Variants in SLC9D1 observed in about 807,000 individuals in gnomAD.
SLC9D1 encodes solute carrier family 9 member D1, also known as putative LAG1-interacting protein.
the SLC9D1 span, chr13:113,549,642 A>G: frequency 1.2e-5 from 16 of 1,343,536 alleles, no homozygotes; most frequent in Non-Finnish European, 1.7e-5. Context: ...TGGCAACAGA[A>G]CAGCCCTCTA....
At chr13:113,521,871 A>C in the SLC9D1 span, among the ~76,000 whole-genome samples, 8 of 152,294 alleles carry the variant, frequency 5.3e-5, no homozygotes, top group Middle Eastern at 3.4e-3. Flanking sequence ...CCAATATACT[A>C]TACTTTATGT....
the SLC9D1 span, among the ~76,000 whole-genome samples, chr13:113,509,495 G>A: frequency 2.6e-5 from 4 of 152,122 alleles, no homozygotes; most frequent in Admixed American, 2.0e-4. Context: ...TCCCGGAGCC[G>A]CATGTGCCCG....
At chr13:113,531,638 G>C in the SLC9D1 span, among the ~76,000 whole-genome samples, 1 of 143,988 alleles carries the variant, frequency 6.9e-6, no homozygotes, top group African/African-American at 2.6e-5. Flanking sequence ...CGCCCCGTAC[G>C]TGCAGATCAA....
chr13:113,538,276 G>T, the SLC9D1 span, among the ~76,000 whole-genome samples: 1 of 152,034 alleles, frequency 6.6e-6, no homozygotes, highest in Non-Finnish European at 1.5e-5. Context: ...TCTGCTTTGT[G>T]TGTGGTGTGT....
chr13:113,533,387 G>C, the SLC9D1 span, among the ~76,000 whole-genome samples: 12 of 152,214 alleles, frequency 7.9e-5, no homozygotes, highest in Non-Finnish European at 1.5e-4. Flanking sequence ...TGCAGAGGCT[G>C]ACGCCCTTGG....
At chr13:113,516,795 C>T in the SLC9D1 span, among the ~76,000 whole-genome samples, 1 of 152,172 alleles carries the variant, frequency 6.6e-6, no homozygotes, top group Non-Finnish European at 1.5e-5. Context: ...TCCACTCTGC[C>T]TTGCCTGTGC....
chr13:113,492,156 A>T, the SLC9D1 span, among the ~76,000 whole-genome samples: 1 of 152,012 alleles, frequency 6.6e-6, no homozygotes, highest in Non-Finnish European at 1.5e-5. Context: ...TTTCATTTTT[A>T]ATAGAGACAG....
At chr13:113,495,715 A>G in the SLC9D1 span, 4 of 1,613,292 alleles carry the variant, frequency 2.5e-6, no homozygotes, top group African/African-American at 5.3e-5. Flanking sequence ...GCTGCCATGC[A>G]GAGCCGGCAG....
the SLC9D1 span, among the ~76,000 whole-genome samples, chr13:113,526,010 G>A: frequency 1.3e-4 from 18 of 139,962 alleles, no homozygotes; most frequent in South Asian, 1.9e-3. Context: ...AGAAGAAGCC[G>A]TCGTCGTCGT....
At chr13:113,515,370 T>C in the SLC9D1 span, among the ~76,000 whole-genome samples, 1 of 152,200 alleles carries the variant, frequency 6.6e-6, no homozygotes, top group Admixed American at 6.5e-5. Context: ...GTCTGAACTT[T>C]ACATACATGC....
At chr13:113,496,979 A>G in the SLC9D1 span, among the ~76,000 whole-genome samples, 1 of 152,240 alleles carries the variant, frequency 6.6e-6, no homozygotes, top group Non-Finnish European at 1.5e-5. Context: ...ATAACATATC[A>G]ACAGTATTTT....
chr13:113,513,948 CG>C, the SLC9D1 span, among the ~76,000 whole-genome samples: 1 of 152,014 alleles, frequency 6.6e-6, no homozygotes, highest in African/African-American at 2.4e-5. Context: ...GAGATGGAGC[CG>C]GGGGGTCGGG....
chr13:113,520,389 C>G, the SLC9D1 span, among the ~76,000 whole-genome samples: 2 of 148,422 alleles, frequency 1.3e-5, no homozygotes, highest in Non-Finnish European at 3.0e-5. Flanking sequence ...GAGGCTAAGG[C>G]AGGAGAATCA....
At chr13:113,548,158 A>T in the SLC9D1 span, 1 of 841,572 alleles carries the variant, frequency 1.2e-6, no homozygotes, top group Non-Finnish European at 1.8e-6. Context: ...GGGTGTTTGG[A>T]GTGCTTCTGT....
At chr13:113,501,016 C>T in the SLC9D1 span, among the ~76,000 whole-genome samples, 16 of 152,288 alleles carry the variant, frequency 1.1e-4, no homozygotes, top group African/African-American at 3.1e-4. Context: ...TCCTGCTCCT[C>T]ACTGACCTTC....
the SLC9D1 span, among the ~76,000 whole-genome samples, chr13:113,517,982 G>A: frequency 2.0e-5 from 3 of 152,140 alleles, no homozygotes; most frequent in African/African-American, 7.2e-5. Context: ...TTAAAATTTA[G>A]CAAATTCCTT....
the SLC9D1 span, chr13:113,503,345 T>TTGTGTG: frequency 4.9e-3 from 2,313 of 476,114 alleles, 28 homozygotes; most frequent in African/African-American, 0.036. Context: ...CACTGTGTGA[T>TTGTGTG]TGTGTGTGTG....
At chr13:113,530,115 G>C in the SLC9D1 span, 1 of 152,246 alleles carries the variant, frequency 6.6e-6, no homozygotes, top group Non-Finnish European at 1.5e-5. Context: ...CGGACAAAAA[G>C]TCCACACGCT....
chr13:113,547,910 C>G, the SLC9D1 span, among the ~76,000 whole-genome samples: 7 of 100,474 alleles, frequency 7.0e-5, no homozygotes, highest in East Asian at 1.9e-3. Context: ...CTACTCGGCC[C>G]AAAGACACAC....
Sources: allele counts gnomAD v4.1 joint callset (sites outside exome capture counted in the v4.1 genomes callset), GRCh38; gene constraint gnomAD v4.1.1; transcripts MANE v1.5; gene names NCBI Gene and HGNC (gene_info 2026-07-23, HGNC 2026-07-21).